Variants in STX1A observed in about 807,000 individuals in gnomAD.
STX1A encodes syntaxin-1A.
In STX1A, 4 loss-of-function variants were observed where a neutral mutation model predicts 37.8. That is an observed-to-expected ratio of 0.11 (90% CI 0.05 to 0.24). STX1A has a LOEUF of 0.24. Ranked by LOEUF, STX1A falls within the 10% of genes least tolerant of loss-of-function variation. The probability of loss-of-function intolerance (pLI) is 1.00; values close to 1 mark genes in which losing one functional copy is unlikely to be tolerated. For synonymous variants in STX1A, 135 were observed against 147.4 expected (o/e 0.92, Z 0.61); for missense variants, 251 against 399.9 (o/e 0.63, Z 3.18).
In STX1A at chr7:73,708,677, A is replaced by G; in HGVS notation, c.120T>C (p.Ile40=). ...CTGCGATCTTGTCAATGAAGCCTCG[A>G]ATCTCCTCCACCTGCGGACCAAGGC... is the stretch of plus-strand genomic sequence containing the variant. ...MDEFFEQVEE[I]RGFIDKIAEN... Residue 40 remains isoleucine (I), a synonymous_variant, in exon 3 of 10, where the codon ATT becomes ATC. Coordinates refer to ENST00000222812, the MANE Select transcript of STX1A (RefSeq NM_004603.4). 1 of 1,614,022 alleles carries G rather than the reference A, an allele frequency of 6.2e-7. No homozygotes were observed. Among genetic ancestry groups the G allele is most frequent in the Non-Finnish European group, 8.5e-7 (1 of 1,179,974 alleles).
At chr7:73,713,105 G>A (rs1409486506) in intron 1 of STX1A, among the ~76,000 whole-genome samples, 1 of 152,162 alleles carries the variant, frequency 6.6e-6, no homozygotes, top group Non-Finnish European at 1.5e-5. Context: ...CCTTCTTCCT[G>A]TTTCATTTCT....
intron 2 of STX1A, 123 bp from the exon 3 acceptor site, chr7:73,708,811 GCT>G: frequency 4.6e-6 from 5 of 1,091,482 alleles, no homozygotes; most frequent in Non-Finnish European, 6.7e-6. Context: ...GGCTCCGGGT[GCT>G]GGGGTGCAGT....
At chr7:73,718,967 C>G (rs904061699) in intron 1 of STX1A, among the ~76,000 whole-genome samples, 19 of 152,016 alleles carry the variant, frequency 1.2e-4, no homozygotes, top group Non-Finnish European at 1.5e-4. Flanking sequence ...TGACGCCCCC[C>G]CCCCCATACC....
chr7:73,708,442 C>A (rs1380364740), intron 3 of STX1A, 147 bp downstream of exon 3: 1 of 717,488 alleles, frequency 1.4e-6, no homozygotes, highest in East Asian at 2.7e-5. Flanking sequence ...CAAGGCTTCT[C>A]GTGAAACCCT....
intron 3 of STX1A, among the ~76,000 whole-genome samples, chr7:73,707,923 A>G (rs1274250739): frequency 1.4e-5 from 2 of 147,770 alleles, no homozygotes; most frequent in East Asian, 4.0e-4. Flanking sequence ...TGACAGAGCA[A>G]GACTCCGTCT....
intron 7 of STX1A, 36 bp downstream of exon 7, chr7:73,703,719 G>A: frequency 6.2e-7 from 1 of 1,603,398 alleles, no homozygotes; most frequent in Non-Finnish European, 8.5e-7. Flanking sequence ...AACATGGTGA[G>A]GGGGTCATGG....
chr7:73,702,264 T>C lies in STX1A; in HGVS notation c.678+581A>G, dbSNP rs1798686628. 6.6e-6 allele frequency among the ~76,000 whole-genome samples: 1 copy of C among 152,106 alleles called. No individual in the cohort carries two copies. Among genetic ancestry groups the C allele is most frequent in the Admixed American group, 6.5e-5 (1 of 15,272 alleles). On this transcript the variant is annotated intron_variant, in intron 8 of 9. Coordinates refer to ENST00000222812, the MANE Select transcript of STX1A (RefSeq NM_004603.4). This position sits in a 1 kb window ranked among gnomAD's most constrained non-coding sequence, Gnocchi z 4.7. ...CACTCCAACAAAGGCAGCCGCCCCA[T>C]CGTGGTCACGGTGTTACTCTGTGTA...
At position 73,700,110 on chromosome 7, in the gene STX1A, G is replaced by C. The variant is rs867500; in HGVS notation, c.*297C>G. 142,486 of 481,416 alleles carry C rather than the reference G, an allele frequency of 0.3. 23,744 individuals are homozygous for C. The highest frequency in any genetic ancestry group is 0.34 in the Non-Finnish European group (88,661 of 264,242). The allele number at this position is 481,416 out of a possible 1,614,324, so 29.8% of individuals were successfully genotyped here. On this transcript the variant is annotated 3_prime_UTR_variant, in exon 10 of 10. Coordinates refer to ENST00000222812, the MANE Select transcript of STX1A (RefSeq NM_004603.4). The surrounding 1 kb of genome is among the most constrained non-coding windows in gnomAD (Gnocchi z 4.4). ...CACCGAGTTACTGAAGGCAAGGAAG[G>C]GTGGCCTGTGTCACCCTGGCGGCCC...
At chr7:73,718,901 C>T (rs1362548912) in intron 1 of STX1A, among the ~76,000 whole-genome samples, 1 of 151,868 alleles carries the variant, frequency 6.6e-6, no homozygotes, top group South Asian at 2.1e-4. Flanking sequence ...GGTCTGGAAA[C>T]GCCAGCCAGT....
At chr7:73,714,848 G>A (rs782176513) in intron 1 of STX1A, among the ~76,000 whole-genome samples, 2 of 151,966 alleles carry the variant, frequency 1.3e-5, no homozygotes, top group Non-Finnish European at 1.5e-5. Flanking sequence ...AGGGGTAGCC[G>A]GGTGCAGTGG....
chr7:73,718,643 G>T (rs965846093), intron 1 of STX1A, among the ~76,000 whole-genome samples: 13 of 151,920 alleles, frequency 8.6e-5, no homozygotes, highest in African/African-American at 2.9e-4. Flanking sequence ...ACCCAGAGAG[G>T]CTTCATTTCC....
chr7:73,702,788 T>G lies in STX1A; in HGVS notation c.678+57A>C. On this transcript the variant is annotated intron_variant, in intron 8 of 9. Coordinates refer to ENST00000222812, the MANE Select transcript of STX1A (RefSeq NM_004603.4). The surrounding 1 kb of genome is among the most constrained non-coding windows in gnomAD (Gnocchi z 4.7). ...TGTCGGGCAGAAAGGGCGAGGTTAG[T>G]GCAGCCCTGGGTGCTGGTGTGGGCT... The G allele has an allele frequency of 6.2e-7, 1 of 1,612,512 alleles. No homozygotes were observed. Among genetic ancestry groups the G allele is most frequent in the Non-Finnish European group, 8.5e-7 (1 of 1,179,070 alleles).
chr7:73,707,261 A>G (rs10246283), intron 3 of STX1A, among the ~76,000 whole-genome samples: 149,011 of 152,288 alleles, frequency 0.98, 72,991 homozygotes, highest in East Asian at 1. Flanking sequence ...CAACAGGAAC[A>G]TGAGGACCGG....
intron 1 of STX1A, among the ~76,000 whole-genome samples, chr7:73,710,354 C>T (rs536234314): frequency 5.3e-5 from 8 of 152,252 alleles, no homozygotes; most frequent in African/African-American, 1.9e-4. Flanking sequence ...CAAGGATATC[C>T]GGGGTGGCCA....
Position 73,699,342 on chromosome 7 carries a change from G to A in STX1A, c.*1065C>T, listed in dbSNP as rs1364777798. Reference sequence around the variant, plus strand: ...CACGGACAGTGGTCACAGTCACTGGGCAGGAGTAAAGCCGAGGGAGGGTGG... The same window carrying A: ...CACGGACAGTGGTCACAGTCACTGGACAGGAGTAAAGCCGAGGGAGGGTGG... On this transcript the variant is annotated 3_prime_UTR_variant, in exon 10 of 10. Coordinates refer to ENST00000222812, the MANE Select transcript of STX1A (RefSeq NM_004603.4). 1.3e-5 allele frequency: 2 copies of A among 152,704 alleles called. No homozygotes were observed. The highest frequency in any genetic ancestry group is 2.4e-5 in the African/African-American group (1 of 41,448). The allele number at this position is 152,704 out of a possible 1,614,324, so 9.5% of individuals were successfully genotyped here. A position where few individuals can be genotyped will look rare whatever the true frequency, so the allele number is the denominator to read the frequency against.
chr7:73,699,974 G>T lies in STX1A; in HGVS notation c.*433C>A. On this transcript the variant is annotated 3_prime_UTR_variant, in exon 10 of 10. Coordinates refer to ENST00000222812, the MANE Select transcript of STX1A (RefSeq NM_004603.4). ...CTAACCTGAAAAGCAGCACCATGTG[G>T]CCAGCTGGTCCCCACCCCTCAGGGC... 4.5e-6 allele frequency: 1 copy of T among 222,568 alleles called. No homozygotes were observed. Among genetic ancestry groups the T allele is most frequent in the Non-Finnish European group, 9.1e-6 (1 of 110,300 alleles). 13.8% of individuals were successfully genotyped at this position (222,568 alleles called of 1,614,324 possible).
At chr7:73,703,365 C>T (rs549816215) in intron 7 of STX1A, 7 of 571,704 alleles carry the variant, frequency 1.2e-5, no homozygotes, top group African/African-American at 7.4e-5. Context: ...TCCCCTCTCT[C>T]CTGGAACTCA....
At chr7:73,711,005 T>C (rs146471889) in intron 1 of STX1A, among the ~76,000 whole-genome samples, 1 of 152,140 alleles carries the variant, frequency 6.6e-6, no homozygotes, top group Non-Finnish European at 1.5e-5. Flanking sequence ...GATTGATTGA[T>C]TGAGACAGGG....
Position 73,719,611 on chromosome 7 carries a change from C to T in STX1A, c.21G>A (p.Glu7=), listed in dbSNP as rs547690713. The change falls in exon 1 of 10, where the codon GAG becomes GAA. Residue 7 remains glutamate, a synonymous_variant. Coordinates refer to ENST00000222812, the MANE Select transcript of STX1A (RefSeq NM_004603.4). MKDRTQ[E]LRTAKDSDDD... ...CTGGGGCCGGACTCACCGTGCGGAGCTCCTGGGTTCGGTCCTTCATGCTCC... is the reference window on the plus strand; with the variant it reads ...CTGGGGCCGGACTCACCGTGCGGAGTTCCTGGGTTCGGTCCTTCATGCTCC... The T allele has an allele frequency of 7.6e-4, 917 of 1,205,734 alleles. 9 individuals carry two copies. The African/African-American group carries it at 0.014, about 18-fold the overall frequency. 74.7% of individuals were successfully genotyped at this position (1,205,734 alleles called of 1,614,324 possible).
Sources: gnomAD v4.1 joint callset for allele counts (sites outside exome capture counted in the v4.1 genomes callset) on GRCh38, gnomAD v4.1.1 for gene constraint, Gnocchi (gnomAD v3.1) non-coding constraint, MANE v1.5 for transcripts, NCBI Gene and HGNC (gene_info 2026-07-23, HGNC 2026-07-21) for gene names.